POPDC2: variants seen among roughly 807,000 people sequenced by gnomAD.
POPDC2 encodes the protein popeye domain cAMP effector 2, also known as popeye domain-containing protein 2.
A neutral mutation model predicts 30.5 loss-of-function variants in POPDC2; 24 were observed. That is an observed-to-expected ratio of 0.79 (90% CI 0.57 to 1.11). POPDC2 has a LOEUF of 1.11. Among genes scored for constraint, POPDC2 ranks in the 50% least tolerant of loss-of-function variants. POPDC2 has a pLI of 0.00. For synonymous variants in POPDC2, 185 were observed against 183.3 expected, an observed-to-expected ratio of 1.01 and a Z score of -0.07; for missense variants, 409 against 447.0, an observed-to-expected ratio of 0.91 and a Z score of 0.77.
At position 119,660,082 on chromosome 3, in the gene POPDC2, C is replaced by A. The variant is rs904799476; in HGVS notation, c.342G>T (p.Thr114=). 3 of 1,614,188 alleles carry A rather than the reference C, an allele frequency of 1.9e-6. No homozygotes were observed. The highest frequency in any genetic ancestry group is 1.1e-5 in the South Asian group (1 of 91,080). The part of the protein sequence containing the change: ...LPEEFDLLYK[T]LCLPLQVPLQ... ...GGGGCACCTGCAAGGGCAGGCACAGCGTCTTGTAGAGGAGGTCAAACTCCT... is the reference window on the plus strand; with the variant it reads ...GGGGCACCTGCAAGGGCAGGCACAGAGTCTTGTAGAGGAGGTCAAACTCCT... The change falls in exon 1 of 4, where the codon ACG becomes ACT. Residue 114 remains threonine (T), a synonymous_variant. Coordinates refer to ENST00000493094, the MANE Select transcript of POPDC2 (RefSeq NM_001369919.2).
chr3:119,652,547 G>A (rs2052824615), intron 2 of POPDC2, among the ~76,000 whole-genome samples: 1 of 152,198 alleles, frequency 6.6e-6, no homozygotes. Context: ...GAGAGGCCAT[G>A]TGAGGTTACA....
At position 119,647,882 on chromosome 3, in the gene POPDC2, C is replaced by T. The variant is rs150140242; in HGVS notation, c.*43+237G>A. ...AACAGCAATCTACCTTCCTGCTCAA[C>T]GTATCAACCAGCCCACTTTCTAAAA... is the stretch of plus-strand genomic sequence containing the variant. On this transcript the variant is annotated intron_variant, in intron 3 of 3. Coordinates refer to ENST00000493094, the MANE Select transcript of POPDC2 (RefSeq NM_001369919.2). 2.6e-4 allele frequency among the ~76,000 whole-genome samples: 39 copies of T among 152,312 alleles called. 1 individual carries two copies. The East Asian group carries it at 5.6e-3, about 22-fold the overall frequency.
At chr3:119,655,991 T>C (rs2052874955) in intron 1 of POPDC2, among the ~76,000 whole-genome samples, 1 of 152,138 alleles carries the variant, frequency 6.6e-6, no homozygotes. Flanking sequence ...GCTGAGCCAA[T>C]CAAACTCCTT....
intron 3 of POPDC2, 66 bp downstream of exon 3, chr3:119,648,053 C>G: frequency 7.8e-7 from 1 of 1,281,944 alleles, no homozygotes; most frequent in Non-Finnish European, 1.0e-6. Flanking sequence ...TTTTTTTTGC[C>G]CTAACAAGCT....
At chr3:119,655,615 G>T (rs1463598561) in intron 1 of POPDC2, among the ~76,000 whole-genome samples, 1 of 152,220 alleles carries the variant, frequency 6.6e-6, no homozygotes, top group Non-Finnish European at 1.5e-5. Context: ...GAAGTGGCAA[G>T]TCTACCATAT....
Position 119,660,446 on chromosome 3 carries a change from A to G in POPDC2, c.-23T>C. 6.3e-7 allele frequency: 1 copy of G among 1,599,574 alleles called. No homozygotes were observed. ...CATCTTTGGGGCCTCTCAAAGCCTC[A>G]CTGGGCTCTAATACTGTCCTCACAT... On this transcript the variant is annotated 5_prime_UTR_variant, in exon 1 of 4. Transcript: ENST00000493094.
chr3:119,654,709 C>A, intron 1 of POPDC2, 96 bp from the exon 2 acceptor site: 1 of 867,666 alleles, frequency 1.2e-6, no homozygotes, highest in East Asian at 2.5e-5. Context: ...CATGAATCTT[C>A]CTGTAGAAAT....
rs188973697 is a variant in POPDC2, at chr3:119,642,095, C to T, written c.*510G>A. The T allele has an allele frequency of 5.1e-5, 8 of 157,274 alleles. No homozygotes were observed. The highest frequency in any genetic ancestry group is 1.7e-4 in the African/African-American group (7 of 41,768). The allele number at this position is 157,274 out of a possible 1,614,324, so 9.7% of individuals were successfully genotyped here. A position where few individuals can be genotyped will look rare whatever the true frequency, so the allele number is the denominator to read the frequency against. On this transcript the variant is annotated 3_prime_UTR_variant, in exon 4 of 4. Transcript: ENST00000493094. ...GATTTATTGAGTGCTTACTTGGTGC[C>T]ACGGCATGTGCTAGGTGCTTACCTA...
Position 119,660,447 on chromosome 3 carries a change from C to A in POPDC2, c.-24G>T. 6.3e-7 allele frequency: 1 copy of A among 1,599,782 alleles called. No homozygotes were observed. Among genetic ancestry groups the A allele is most frequent in the Non-Finnish European group, 8.5e-7 (1 of 1,172,164 alleles). On this transcript the variant is annotated 5_prime_UTR_variant, in exon 1 of 4. Transcript: ENST00000493094. ...ATCTTTGGGGCCTCTCAAAGCCTCACTGGGCTCTAATACTGTCCTCACATA... is the reference window on the plus strand; with the variant it reads ...ATCTTTGGGGCCTCTCAAAGCCTCAATGGGCTCTAATACTGTCCTCACATA...
chr3:119,660,127 C>T lies in POPDC2; in HGVS notation c.297G>A (p.Leu99=), dbSNP rs139963651. The T allele has an allele frequency of 7.7e-4, 1,247 of 1,614,076 alleles. 1 individual carries two copies. Among genetic ancestry groups the T allele is most frequent in the Non-Finnish European group, 9.3e-4 (1,099 of 1,180,034 alleles). Residue 99 remains leucine (L), a synonymous_variant, in exon 1 of 4, where the codon CTG becomes CTA. Transcript: ENST00000493094. The stretch of plus-strand genomic sequence containing the variant: ...ACTCCTCAGGGAGGGTGTCCTCACG[C>T]AGGCGGTATACCAGGTGTGCCAGCT... ...LLQLAHLVYR[L]REDTLPEEFD... is the part of the protein sequence containing the mutation.
rs1432834070 is a variant in POPDC2 at position 119,660,413 on chromosome 3, T to C, written c.11A>G (p.Asn4Ser). MSA[N>S]SSRVGQLLLQ... ...GAGAAGCTGGCCCACTCTGCTGCTG[T>C]TGGCGCTCATCTTTGGGGCCTCTCA... is the stretch of plus-strand genomic sequence containing the variant. The change falls in exon 1 of 4, where the codon AAC becomes AGC. Residue 4 changes from asparagine to serine, a missense_variant. Coordinates refer to ENST00000493094, the MANE Select transcript of POPDC2 (RefSeq NM_001369919.2). The C allele has an allele frequency of 1.9e-6, 3 of 1,611,640 alleles. No individual in the cohort carries two copies. Among genetic ancestry groups the C allele is most frequent in the African/African-American group, 1.3e-5 (1 of 74,860 alleles).
At chr3:119,659,070 A>C (rs1037483707) in intron 1 of POPDC2, among the ~76,000 whole-genome samples, 3 of 152,144 alleles carry the variant, frequency 2.0e-5, no homozygotes, top group Non-Finnish European at 4.4e-5. Context: ...TTGCCTACTA[A>C]GTGTGTAGCA....
intron 2 of POPDC2, among the ~76,000 whole-genome samples, chr3:119,649,164 T>TCCCAAGCCTGGG (rs2052783114): frequency 6.6e-6 from 1 of 152,144 alleles, no homozygotes; most frequent in Non-Finnish European, 1.5e-5. Flanking sequence ...TCTGATGAGG[T>TCCCAAGCCTGGG]ATGCCAAGCT....
Position 119,659,920 on chromosome 3 carries a change from T to C in POPDC2, c.491+13A>G, listed in dbSNP as rs781345113. The C allele has an allele frequency of 2.8e-5, 44 of 1,568,514 alleles. No homozygotes were observed. The highest frequency in any genetic ancestry group is 3.5e-5 in the Non-Finnish European group (40 of 1,152,460). On this transcript the variant is annotated intron_variant, in intron 1 of 3. Transcript: ENST00000493094. ...GGGGAAAGAAATTCTGGGCAATGGATAGAGTAGCTTACCGGCCAGAGAGCA... is the reference window on the plus strand; with the variant it reads ...GGGGAAAGAAATTCTGGGCAATGGACAGAGTAGCTTACCGGCCAGAGAGCA...
At chr3:119,646,451 G>C (rs2052747435) in intron 3 of POPDC2, among the ~76,000 whole-genome samples, 1 of 151,926 alleles carries the variant, frequency 6.6e-6, no homozygotes, top group African/African-American at 2.4e-5. Context: ...GGCAACATGG[G>C]GAGAGTTTGT....
At chr3:119,648,070 A>T in intron 3 of POPDC2, 49 bp downstream of exon 3, 2 of 1,376,446 alleles carry the variant, frequency 1.5e-6, no homozygotes. Context: ...AGCTGAGTTA[A>T]GGCCAGCCAT....
chr3:119,647,161 C>T (rs1232664305), intron 3 of POPDC2, among the ~76,000 whole-genome samples: 1 of 152,168 alleles, frequency 6.6e-6, no homozygotes, highest in African/African-American at 2.4e-5. Flanking sequence ...ATTTCATGTA[C>T]TCTGGAGGCC....
chr3:119,643,244 C>T, intron 3 of POPDC2: 1 of 659,358 alleles, frequency 1.5e-6, no homozygotes. Context: ...AGCATGATGA[C>T]AGTGTGACTC....
chr3:119,646,998 G>A (rs1007228606), intron 3 of POPDC2, among the ~76,000 whole-genome samples: 1 of 152,184 alleles, frequency 6.6e-6, no homozygotes, highest in Non-Finnish European at 1.5e-5. Context: ...CTCAGAATGA[G>A]CTGAACTATG....
Sources: allele counts gnomAD v4.1 joint callset (sites outside exome capture counted in the v4.1 genomes callset), GRCh38; gene constraint gnomAD v4.1.1; transcripts MANE v1.5; gene names NCBI Gene and HGNC (gene_info 2026-07-23, HGNC 2026-07-21).